ADORA2B: variants seen among roughly 807,000 people sequenced by gnomAD.
ADORA2B encodes the protein adenosine A2b receptor, also known as adenosine receptor A2b.
Under a neutral mutation model 20.8 loss-of-function variants are expected in ADORA2B, and 18 were observed. That is an observed-to-expected ratio of 0.87 (90% CI 0.60 to 1.29). ADORA2B has a LOEUF of 1.29. Among genes scored for constraint, ADORA2B ranks in the 50% most tolerant of loss-of-function variants. The probability of loss-of-function intolerance (pLI) is 0.00; values close to 1 mark genes in which losing one functional copy is unlikely to be tolerated. For missense variants in ADORA2B, 441 were observed against 422.7 expected, an observed-to-expected ratio of 1.04 and a Z score of -0.38; for synonymous variants, 179 against 178.3, an observed-to-expected ratio of 1.00 and a Z score of -0.03.
chr17:15,928,088 G>T, the ADORA2B span, among the ~76,000 whole-genome samples: 1 of 152,168 alleles, frequency 6.6e-6, no homozygotes, highest in Non-Finnish European at 1.5e-5. Flanking sequence ...GATTATAGGC[G>T]TGAGCCACCA....
the ADORA2B span, among the ~76,000 whole-genome samples, chr17:15,877,355 C>G: frequency 6.6e-6 from 1 of 152,200 alleles, no homozygotes; most frequent in African/African-American, 2.4e-5. Context: ...GGTGGAGGCT[C>G]TGCAAAGCTG....
chr17:15,892,307 A>G, the ADORA2B span, among the ~76,000 whole-genome samples: 1 of 152,134 alleles, frequency 6.6e-6, no homozygotes, highest in Non-Finnish European at 1.5e-5. Flanking sequence ...TAGCTGGATT[A>G]CAGACAGGCA....
chr17:15,919,422 C>A, the ADORA2B span, among the ~76,000 whole-genome samples: 13 of 152,294 alleles, frequency 8.5e-5, no homozygotes, highest in Admixed American at 4.6e-4. Flanking sequence ...CTCCATTCCC[C>A]CACCCCAATT....
At chr17:15,959,539 C>T (rs537004848) in intron 1 of ADORA2B, among the ~76,000 whole-genome samples, 99 of 130,382 alleles carry the variant, frequency 7.6e-4, no homozygotes, top group South Asian at 1.9e-3. Context: ...CTTGCTCTAT[C>T]ACCCAGGCTG....
At chr17:15,903,611 C>T in the ADORA2B span, among the ~76,000 whole-genome samples, 1 of 152,178 alleles carries the variant, frequency 6.6e-6, no homozygotes, top group Non-Finnish European at 1.5e-5. Context: ...ATCTCACTTG[C>T]TATCTCCCTG....
chr17:15,873,955 C>T, the ADORA2B span, among the ~76,000 whole-genome samples: 1 of 151,844 alleles, frequency 6.6e-6, no homozygotes, highest in Non-Finnish European at 1.5e-5. Context: ...TTTATAGCAG[C>T]ACATTCACAG....
the ADORA2B span, among the ~76,000 whole-genome samples, chr17:15,858,412 G>A: frequency 4.9e-4 from 74 of 152,280 alleles, no homozygotes; most frequent in African/African-American, 1.8e-3. Flanking sequence ...TTTTACACAC[G>A]TCCTTGAATA....
chr17:15,894,418 C>G, the ADORA2B span, among the ~76,000 whole-genome samples: 22 of 152,226 alleles, frequency 1.4e-4, no homozygotes, highest in South Asian at 3.7e-3. Context: ...CAGTGCAGAG[C>G]CAGGGCGAAG....
In ADORA2B at chr17:15,975,665, A is replaced by C. The variant is rs1460771832; in HGVS notation, c.*323A>C. 1 of 316,796 alleles carries C rather than the reference A, an allele frequency of 3.2e-6. No homozygotes were observed. Among genetic ancestry groups the C allele is most frequent in the Admixed American group, 4.6e-5 (1 of 21,792 alleles). The allele number at this position is 316,796 out of a possible 1,614,324, so 19.6% of individuals were successfully genotyped here. A position where few individuals can be genotyped will look rare whatever the true frequency, so the allele number is the denominator to read the frequency against. ...AAATTACTGAAACTATTTTACTGTG[A>C]AACAGTGTGAACTATTATAATGCAA... On this transcript the variant is annotated 3_prime_UTR_variant, in exon 2 of 2. Coordinates refer to ENST00000304222, the MANE Select transcript of ADORA2B (RefSeq NM_000676.4).
chr17:15,863,193 G>T, the ADORA2B span, among the ~76,000 whole-genome samples: 2 of 152,180 alleles, frequency 1.3e-5, no homozygotes, highest in African/African-American at 4.8e-5. Context: ...AAGGCTATGG[G>T]TATATTAATA....
At chr17:15,898,912 T>G in the ADORA2B span, among the ~76,000 whole-genome samples, 1 of 152,098 alleles carries the variant, frequency 6.6e-6, no homozygotes. Context: ...AAACATTTGT[T>G]TTTCAATACC....
the ADORA2B span, among the ~76,000 whole-genome samples, chr17:15,896,803 T>G: frequency 2.0e-5 from 3 of 152,182 alleles, no homozygotes; most frequent in Admixed American, 2.0e-4. Flanking sequence ...GAAGAAGAGA[T>G]AGGACAAGTC....
chr17:15,855,665 T>C, the ADORA2B span, among the ~76,000 whole-genome samples: 1 of 151,822 alleles, frequency 6.6e-6, no homozygotes, highest in Admixed American at 6.6e-5. Flanking sequence ...AGCACAATGT[T>C]GTACAGCAGA....
chr17:15,911,168 C>G, the ADORA2B span, among the ~76,000 whole-genome samples: 5 of 152,184 alleles, frequency 3.3e-5, no homozygotes, highest in African/African-American at 9.7e-5. Context: ...TCACCCGCGC[C>G]TTTGTTTTTA....
the ADORA2B span, among the ~76,000 whole-genome samples, chr17:15,907,753 A>G: frequency 1.3e-5 from 2 of 152,260 alleles, no homozygotes; most frequent in Non-Finnish European, 1.5e-5. Context: ...CAAGACTTTC[A>G]TGATAATCCC....
At chr17:15,939,189 C>T in the ADORA2B span, among the ~76,000 whole-genome samples, 27 of 152,148 alleles carry the variant, frequency 1.8e-4, no homozygotes, top group East Asian at 9.7e-4. Context: ...TACAGGTGCC[C>T]GCCACCACGC....
chr17:15,946,375 G>C (rs532917510), intron 1 of ADORA2B, among the ~76,000 whole-genome samples: 53 of 152,336 alleles, frequency 3.5e-4, no homozygotes, highest in African/African-American at 1.2e-3. Context: ...CCCACACTGA[G>C]AAAATCTAGG....
the ADORA2B span, among the ~76,000 whole-genome samples, chr17:15,856,516 C>T: frequency 6.6e-6 from 1 of 151,850 alleles, no homozygotes; most frequent in African/African-American, 2.4e-5. Context: ...AACTGGGTAA[C>T]AGGCAGAGGT....
the ADORA2B span, among the ~76,000 whole-genome samples, chr17:15,916,866 A>G: frequency 6.6e-6 from 1 of 152,226 alleles, no homozygotes; most frequent in Non-Finnish European, 1.5e-5. Context: ...AGGCACAGAA[A>G]GGCTCAATAA....
Sources: allele counts gnomAD v4.1 joint callset (sites outside exome capture counted in the v4.1 genomes callset), GRCh38; gene constraint gnomAD v4.1.1; transcripts MANE v1.5; gene names NCBI Gene and HGNC (gene_info 2026-07-23, HGNC 2026-07-21).